Variants in FRMPD1 observed in about 807,000 individuals in gnomAD.
FRMPD1 encodes the protein FERM and PDZ domain containing 1.
FRMPD1 carries 76 observed loss-of-function variants against 117.8 expected under a neutral mutation model. The ratio of observed to expected loss-of-function variants is 0.65; its 90% CI spans 0.54 to 0.78. The LOEUF (loss-of-function observed/expected upper bound fraction) is 0.78. Among genes scored for constraint, FRMPD1 ranks in the 30% least tolerant of loss-of-function variants. The pLI is 0.00. For missense variants in FRMPD1, 1,786 were observed against 1,964.5 expected (o/e 0.91, Z 1.72); for synonymous variants, 783 against 770.4 (o/e 1.02, Z -0.27).
At position 37,660,694 on chromosome 9, in the gene FRMPD1, G is replaced by T. The variant is rs182400656; in HGVS notation, c.-5+9600G>T. Among the ~76,000 whole-genome samples the T allele has an allele frequency of 4.5e-4, 68 of 152,262 alleles. 1 individual carries two copies. The highest frequency in any genetic ancestry group is 1.0e-3 in the South Asian group (5 of 4,822). On this transcript the variant is annotated intron_variant, in intron 1 of 15. Transcript: ENST00000377765. ...TGCTTTATCTGGGATATCTTTTCCA[G>T]ACTTTGGGAGCCTTCCCTCCTGCAC...
chr9:37,695,310 C>T (rs902431691), intron 2 of FRMPD1, among the ~76,000 whole-genome samples: 10 of 152,174 alleles, frequency 6.6e-5, no homozygotes, highest in African/African-American at 1.4e-4. Context: ...TACATCTTTG[C>T]CAACACTTGC....
intron 1 of FRMPD1, among the ~76,000 whole-genome samples, chr9:37,687,202 C>A (rs1331560601): frequency 6.6e-6 from 1 of 152,164 alleles, no homozygotes; most frequent in Non-Finnish European, 1.5e-5. Context: ...GAATTTCTTG[C>A]CTTAGTCTGA....
At chr9:37,651,724 C>T (rs369375625) in intron 1 of FRMPD1, among the ~76,000 whole-genome samples, 1 of 152,242 alleles carries the variant, frequency 6.6e-6, no homozygotes, top group Non-Finnish European at 1.5e-5. Context: ...ACTCTGGCTT[C>T]TGGTGGCTCC....
In FRMPD1 at chr9:37,746,544, C is replaced by A. The variant is rs774026792; in HGVS notation, c.4512C>A (p.Cys1504Ter). 1 of 1,613,782 alleles carries A rather than the reference C, an allele frequency of 6.2e-7. No individual in the cohort carries two copies. The highest frequency in any genetic ancestry group is 1.1e-5 in the South Asian group (1 of 91,090). Residue 1504 changes from cysteine to a stop codon, truncating the protein, a stop_gained, in exon 16 of 16, where the codon TGC becomes TGA. Transcript: ENST00000377765. LOFTEE classifies it high-confidence loss of function. ...FQHLVQLAGL[C>*]FQFTDCSRCS... The stretch of plus-strand genomic sequence containing the variant: ...ACCTGGTCCAGCTGGCCGGCCTGTG[C>A]TTTCAGTTCACAGACTGTAGCCGCT...
At chr9:37,717,325 G>T (rs1563946457) in intron 5 of FRMPD1, among the ~76,000 whole-genome samples, 2 of 136,366 alleles carry the variant, frequency 1.5e-5, no homozygotes, top group Non-Finnish European at 3.1e-5. Flanking sequence ...GTATGTGTGT[G>T]TGTGTATGTG....
chr9:37,675,125 G>A (rs140473363), intron 1 of FRMPD1, among the ~76,000 whole-genome samples: 6 of 152,068 alleles, frequency 3.9e-5, no homozygotes, highest in South Asian at 2.1e-4. Context: ...AATGATCCAC[G>A]TAAGGAAGAG....
At chr9:37,677,945 C>T (rs1433250026) in intron 1 of FRMPD1, among the ~76,000 whole-genome samples, 4 of 152,210 alleles carry the variant, frequency 2.6e-5, no homozygotes, top group African/African-American at 9.7e-5. Flanking sequence ...TCAGTGTCCC[C>T]CACAGCCCCT....
At chr9:37,692,112 T>C (rs1822159215) in intron 1 of FRMPD1, among the ~76,000 whole-genome samples, 1 of 152,240 alleles carries the variant, frequency 6.6e-6, no homozygotes, top group South Asian at 2.1e-4. Flanking sequence ...ACAGTAACTA[T>C]CTTTTTTATA....
At chr9:37,609,538 T>A in the FRMPD1 span, among the ~76,000 whole-genome samples, 1 of 152,122 alleles carries the variant, frequency 6.6e-6, no homozygotes, top group East Asian at 1.9e-4. Flanking sequence ...ATAAAGCATA[T>A]CCAGAATCAG....
intron 14 of FRMPD1, among the ~76,000 whole-genome samples, 161 bp from the exon 15 acceptor site, chr9:37,739,917 C>A (rs1001823016): frequency 2.0e-5 from 3 of 152,176 alleles, no homozygotes; most frequent in Admixed American, 6.5e-5. Flanking sequence ...AAGCTGGAGT[C>A]CCTCGGATCC....
intron 1 of FRMPD1, among the ~76,000 whole-genome samples, chr9:37,691,068 C>A (rs1039061064): frequency 6.6e-6 from 1 of 152,218 alleles, no homozygotes. Context: ...CACATTCAAA[C>A]CATAGCAGGA....
chr9:37,695,797 C>T (rs1822298648), intron 2 of FRMPD1, among the ~76,000 whole-genome samples: 1 of 152,134 alleles, frequency 6.6e-6, no homozygotes, highest in South Asian at 2.1e-4. Flanking sequence ...CTCCCTGGGA[C>T]CCCCGCAAGG....
chr9:37,643,075 C>A, the FRMPD1 span, among the ~76,000 whole-genome samples: 1 of 152,198 alleles, frequency 6.6e-6, no homozygotes, highest in Admixed American at 6.5e-5. Context: ...GTCTACTGCT[C>A]CTGACATTTT....
chr9:37,614,478 C>T, the FRMPD1 span, among the ~76,000 whole-genome samples: 1 of 152,158 alleles, frequency 6.6e-6, no homozygotes, highest in East Asian at 1.9e-4. Context: ...CGTAGTGTTT[C>T]AAAAGGCATG....
chr9:37,694,769 G>A (rs1417919124), intron 2 of FRMPD1, among the ~76,000 whole-genome samples: 1 of 152,058 alleles, frequency 6.6e-6, no homozygotes, highest in African/African-American at 2.4e-5. Context: ...GTGATCTTTT[G>A]TGACTGGCTT....
the FRMPD1 span, among the ~76,000 whole-genome samples, chr9:37,644,791 C>G: frequency 2.0e-5 from 3 of 152,130 alleles, no homozygotes; most frequent in African/African-American, 7.2e-5. Flanking sequence ...CTGCCTAACT[C>G]AAGCAGCTGT....
chr9:37,731,832 C>T (rs1026596238), intron 9 of FRMPD1, among the ~76,000 whole-genome samples: 5 of 151,662 alleles, frequency 3.3e-5, no homozygotes, highest in African/African-American at 1.2e-4. Flanking sequence ...AAGATCATGC[C>T]ACTGCACTCC....
At chr9:37,728,455 G>A (rs1440776546) in intron 7 of FRMPD1, among the ~76,000 whole-genome samples, 1 of 152,152 alleles carries the variant, frequency 6.6e-6, no homozygotes, top group Non-Finnish European at 1.5e-5. Flanking sequence ...AAAGAGTAAT[G>A]GGGAAAGTAT....
chr9:37,727,114 T>G (rs1011870610), intron 7 of FRMPD1, among the ~76,000 whole-genome samples: 2 of 152,038 alleles, frequency 1.3e-5, no homozygotes, highest in Admixed American at 1.3e-4. Flanking sequence ...CAGCAGAAGA[T>G]AAAGTGGGAG....
Sources: allele counts gnomAD v4.1 joint callset (sites outside exome capture counted in the v4.1 genomes callset), GRCh38; gene constraint gnomAD v4.1.1; transcripts MANE v1.5; gene names NCBI Gene and HGNC (gene_info 2026-07-23, HGNC 2026-07-21).